ZC3H12B: variants seen among roughly 807,000 people sequenced by gnomAD.
ZC3H12B encodes zinc finger CCCH-type containing 12B, also known as probable ribonuclease ZC3H12B.
ZC3H12B carries 7 observed loss-of-function variants against 43.9 expected under a neutral mutation model. The ratio of observed to expected loss-of-function variants is 0.16; its 90% CI spans 0.09 to 0.30. The LOEUF (loss-of-function observed/expected upper bound fraction) is 0.30. Among genes scored for constraint, ZC3H12B ranks in the 10% least tolerant of loss-of-function variants. The pLI is 1.00. For synonymous variants in ZC3H12B, 222 were observed against 241.7 expected (o/e 0.92, Z 0.76); for missense variants, 475 against 670.2 (o/e 0.71, Z 3.22).
At chrX:65,348,317 C>T in the ZC3H12B span, among the ~76,000 whole-genome samples, 132 of 111,149 alleles carry the variant, frequency 1.2e-3, no homozygotes, top group African/African-American at 4.1e-3. Flanking sequence ...AAATGCTGAG[C>T]GATTTTGTCA....
chrX:65,379,763 G>A (rs985933113), intron 2 of ZC3H12B, among the ~76,000 whole-genome samples: 1 of 112,271 alleles, frequency 8.9e-6, no homozygotes, highest in Admixed American at 9.5e-5. Context: ...AGTGCTTAAA[G>A]GAGCTGATGG....
chrX:65,313,125 G>T, the ZC3H12B span, among the ~76,000 whole-genome samples: 1 of 111,384 alleles, frequency 9.0e-6, no homozygotes, highest in African/African-American at 3.3e-5. Context: ...CAAGTGATTC[G>T]CTCATCTTGG....
At chrX:65,119,429 T>C in the ZC3H12B span, among the ~76,000 whole-genome samples, 1 of 112,393 alleles carries the variant, frequency 8.9e-6, no homozygotes, top group Admixed American at 9.4e-5. Context: ...CATGTCTCTG[T>C]TGGCTGCATA....
chrX:65,144,040 C>T, the ZC3H12B span, among the ~76,000 whole-genome samples: 1 of 111,183 alleles, frequency 9.0e-6, no homozygotes. Context: ...GGGAAGGTTC[C>T]CTCTTCATTT....
the ZC3H12B span, among the ~76,000 whole-genome samples, chrX:65,090,482 TCTG>T: frequency 8.9e-6 from 1 of 112,369 alleles, no homozygotes. Context: ...TTTTAAATAA[TCTG>T]CTGTTTATCT....
At chrX:65,096,215 G>A in the ZC3H12B span, among the ~76,000 whole-genome samples, 15 of 90,789 alleles carry the variant, frequency 1.7e-4, no homozygotes, top group Non-Finnish European at 2.6e-4. Context: ...GGGGCCTGTC[G>A]GGAGATGGGG....
the ZC3H12B span, among the ~76,000 whole-genome samples, chrX:65,117,671 C>T: frequency 3.6e-5 from 4 of 111,845 alleles, no homozygotes; most frequent in Admixed American, 2.8e-4. Context: ...CCTAGGTTTT[C>T]TTCTAGGGTT....
At chrX:65,151,166 TA>T in the ZC3H12B span, among the ~76,000 whole-genome samples, 542 of 112,206 alleles carry the variant, frequency 4.8e-3, 2 homozygotes, top group South Asian at 0.014. Context: ...GTAAAAAATA[TA>T]ACAGACTTCT....
intron 2 of ZC3H12B, among the ~76,000 whole-genome samples, chrX:65,375,477 C>G (rs2066333673): frequency 8.9e-6 from 1 of 112,261 alleles, no homozygotes; most frequent in Non-Finnish European, 1.9e-5. Flanking sequence ...TAAGGGAGCA[C>G]ATGCCACATC....
At chrX:65,441,164 G>A (rs1010060084) in intron 3 of ZC3H12B, among the ~76,000 whole-genome samples, 4 of 111,785 alleles carry the variant, frequency 3.6e-5, no homozygotes, top group African/African-American at 1.3e-4. Context: ...GCCTCCCATT[G>A]CGGTAATAAA....
chrX:65,294,846 T>C, the ZC3H12B span, among the ~76,000 whole-genome samples: 2 of 110,857 alleles, frequency 1.8e-5, no homozygotes, highest in Non-Finnish European at 3.8e-5. Flanking sequence ...CTTTCAAATC[T>C]ACAAAACTAT....
chrX:65,254,567 G>T, the ZC3H12B span, among the ~76,000 whole-genome samples: 9 of 112,110 alleles, frequency 8.0e-5, no homozygotes, highest in Non-Finnish European at 1.5e-4. Flanking sequence ...ACATTCAAAA[G>T]ATAGCAACTT....
chrX:65,153,521 C>T, the ZC3H12B span, among the ~76,000 whole-genome samples: 2 of 112,173 alleles, frequency 1.8e-5, no homozygotes, highest in Non-Finnish European at 3.8e-5. Flanking sequence ...AAATCAAAAC[C>T]ACAATGAGAT....
the ZC3H12B span, among the ~76,000 whole-genome samples, chrX:65,308,873 T>A: frequency 8.9e-6 from 1 of 112,097 alleles, no homozygotes; most frequent in African/African-American, 3.2e-5. Flanking sequence ...CTGAACAACC[T>A]GCTTCTGAAT....
chrX:65,372,473 A>AGGAAGGGAGGAAG (rs1485628519), intron 2 of ZC3H12B, among the ~76,000 whole-genome samples: 11 of 101,138 alleles, frequency 1.1e-4, no homozygotes, highest in Non-Finnish European at 2.0e-4. Context: ...GACAGGAGAG[A>AGGAAGGGAGGAAG]GGAAGGGAGG....
At chrX:65,127,635 C>T in the ZC3H12B span, among the ~76,000 whole-genome samples, 4 of 111,079 alleles carry the variant, frequency 3.6e-5, no homozygotes, top group Admixed American at 3.8e-4. Context: ...TAGAGAAAGA[C>T]CACCTGGTTG....
chrX:65,100,544 T>C, the ZC3H12B span, among the ~76,000 whole-genome samples: 1 of 57,769 alleles, frequency 1.7e-5, no homozygotes, highest in Admixed American at 2.7e-4. Flanking sequence ...GATGGAGGAA[T>C]ATTTACCAAG....
the ZC3H12B span, among the ~76,000 whole-genome samples, chrX:65,097,298 T>C: frequency 8.9e-6 from 1 of 111,937 alleles, no homozygotes; most frequent in Non-Finnish European, 1.9e-5. Context: ...AGAGGTTAAT[T>C]TGGCATTACT....
chrX:65,483,938 C>T (rs7060389), upstream of ZC3H12B, among the ~76,000 whole-genome samples: 16,816 of 111,132 alleles, frequency 0.15, 3,006 homozygotes, highest in African/African-American at 0.51. Flanking sequence ...GATCTCATTC[C>T]TTTTTATGGC....
Sources: gnomAD v4.1 joint callset for allele counts (sites outside exome capture counted in the v4.1 genomes callset) on GRCh38, gnomAD v4.1.1 for gene constraint, MANE v1.5 for transcripts, NCBI Gene and HGNC (gene_info 2026-07-23, HGNC 2026-07-21) for gene names.